The following GLIS3 variants were observed in gnomAD, a reference collection of about 807,000 sequenced individuals.
The protein encoded by GLIS3 is GLIS family zinc finger 3, also known as zinc finger protein GLIS3.
In GLIS3, 53 loss-of-function variants were observed where a neutral mutation model predicts 78.6. The observed-to-expected ratio is 0.67, with a 90% CI of 0.54 to 0.85. GLIS3 has a LOEUF of 0.85. Among genes scored for constraint, GLIS3 ranks in the 40% least tolerant of loss-of-function variants. GLIS3 has a pLI of 0.00. For synonymous variants in GLIS3, 684 were observed against 509.9 expected (o/e 1.34, Z -4.60); for missense variants, 1,703 against 1,231.1 (o/e 1.38, Z -5.74).
intron 4 of GLIS3, among the ~76,000 whole-genome samples, chr9:4,028,655 T>C (rs1823555239): frequency 1.3e-5 from 2 of 152,198 alleles, no homozygotes; most frequent in Admixed American, 1.3e-4. Flanking sequence ...TTTTCCCCAA[T>C]GCTAATTCCT....
intron 2 of GLIS3, among the ~76,000 whole-genome samples, chr9:4,253,388 C>T (rs567685624): frequency 6.6e-5 from 10 of 152,334 alleles, no homozygotes; most frequent in Admixed American, 1.3e-4. Context: ...TGAAATTCCC[C>T]GTGGCTTTGT....
Position 4,260,992 on chromosome 9 carries a change from G to A in GLIS3, c.388+25046C>T, listed in dbSNP as rs114767699. ...AAAATTACATCCATGGCTCACATTT[G>A]TGGCTGTAATTATATTTCTACAGGT... On this transcript the variant is annotated intron_variant, in intron 2 of 10. Transcript: ENST00000381971. Among the ~76,000 whole-genome samples, 989 of 152,274 alleles carry A rather than the reference G, an allele frequency of 6.5e-3. 10 individuals are homozygous for A. Among genetic ancestry groups the A allele is most frequent in the African/African-American group, 0.022 (895 of 41,546 alleles).
intron 9 of GLIS3, among the ~76,000 whole-genome samples, chr9:3,833,139 A>G (rs552375317): frequency 1.3e-5 from 2 of 152,312 alleles, no homozygotes; most frequent in East Asian, 3.9e-4. Context: ...AGTAGACTCT[A>G]ATTCCTGCCT....
the GLIS3 span, among the ~76,000 whole-genome samples, chr9:4,481,469 G>C: frequency 4.0e-5 from 6 of 151,726 alleles, no homozygotes; most frequent in East Asian, 9.7e-4. Context: ...AACAGAGCAA[G>C]ACCCCATCAA....
At chr9:4,049,258 G>A (rs1011444729) in intron 4 of GLIS3, among the ~76,000 whole-genome samples, 1 of 152,168 alleles carries the variant, frequency 6.6e-6, no homozygotes, top group Admixed American at 6.5e-5. Flanking sequence ...AACCATACTG[G>A]TTGGTAAATA....
rs148585720 is a variant in GLIS3 at position 4,216,748 on chromosome 9, T to C, written c.388+69290A>G. Among the ~76,000 whole-genome samples the C allele has an allele frequency of 2.8e-3, 431 of 152,268 alleles. 11 individuals are homozygous for C. Among genetic ancestry groups the C allele is most frequent in the Non-Finnish European group, 6.5e-4 (44 of 68,020 alleles). ...TCAGGTTTCGAAACTCCCAAGACTT[T>C]ACTAGTAAACTTATTCTTACCATAG... On this transcript the variant is annotated intron_variant, in intron 2 of 10. Transcript: ENST00000381971.
At position 3,848,401 on chromosome 9, in the gene GLIS3, C is replaced by A. The variant is rs538050414; in HGVS notation, c.2473+7608G>T. ...CCTGTAATCCCAGCTACTCTGGAGG[C>A]TGAGGCAGGAGAATCGCTTGAATCC... On this transcript the variant is annotated intron_variant, in intron 9 of 10. Coordinates refer to ENST00000381971, the MANE Select transcript of GLIS3 (RefSeq NM_001042413.2). Among the ~76,000 whole-genome samples, 15 of 152,338 alleles carry A rather than the reference C, an allele frequency of 9.8e-5. No individual in the cohort carries two copies. In the East Asian group the frequency reaches 2.9e-3, roughly 29 times the overall value.
intron 2 of GLIS3, among the ~76,000 whole-genome samples, chr9:4,151,846 AC>A (rs2131041788): frequency 6.6e-6 from 1 of 152,312 alleles, no homozygotes; most frequent in Non-Finnish European, 1.5e-5. Flanking sequence ...GCAGGAGAGA[AC>A]CTTTGGAAGG....
intron 2 of GLIS3, among the ~76,000 whole-genome samples, chr9:4,160,898 T>C (rs946828643): frequency 6.6e-6 from 1 of 152,016 alleles, no homozygotes; most frequent in South Asian, 2.1e-4. Context: ...CATATCCGTA[T>C]TGGTAATCAC....
the GLIS3 span, among the ~76,000 whole-genome samples, chr9:4,403,589 G>C: frequency 1.3e-5 from 2 of 152,054 alleles, no homozygotes; most frequent in East Asian, 3.9e-4. Flanking sequence ...AAAGTGTAGA[G>C]TTTTTATTAG....
At chr9:3,871,957 T>C (rs892186884) in intron 8 of GLIS3, among the ~76,000 whole-genome samples, 2 of 152,390 alleles carry the variant, frequency 1.3e-5, no homozygotes, top group African/African-American at 4.8e-5. Context: ...TTTTTAAAAC[T>C]GAATGCTTTT....
intron 4 of GLIS3, among the ~76,000 whole-genome samples, chr9:3,998,682 G>T (rs1176403246): frequency 1.3e-5 from 2 of 150,890 alleles, no homozygotes; most frequent in Non-Finnish European, 3.0e-5. Context: ...TATACAGTTA[G>T]AATTCTTTTC....
chr9:4,109,656 T>C (rs12345723), intron 4 of GLIS3, among the ~76,000 whole-genome samples: 34,300 of 152,120 alleles, frequency 0.23, 4,026 homozygotes, highest in Admixed American at 0.29. Context: ...ATATTTTTTA[T>C]TGACTAGATT....
intron 4 of GLIS3, among the ~76,000 whole-genome samples, chr9:3,990,933 G>A (rs1431112355): frequency 2.0e-5 from 3 of 152,128 alleles, no homozygotes; most frequent in Non-Finnish European, 4.4e-5. Context: ...CAACCAAGGG[G>A]TTCTTTGAAA....
At chr9:3,903,368 A>G (rs1287504546) in intron 6 of GLIS3, among the ~76,000 whole-genome samples, 1 of 152,252 alleles carries the variant, frequency 6.6e-6, no homozygotes, top group African/African-American at 2.4e-5. Context: ...TGCCCTTTAC[A>G]AAGCCTTGAC....
intron 4 of GLIS3, among the ~76,000 whole-genome samples, chr9:4,040,981 T>C (rs1824766297): frequency 6.6e-6 from 1 of 152,184 alleles, no homozygotes; most frequent in Non-Finnish European, 1.5e-5. Context: ...TTTCTCAACA[T>C]TCTAATCCTG....
intron 2 of GLIS3, among the ~76,000 whole-genome samples, chr9:4,246,862 G>A (rs1823852357): frequency 1.3e-5 from 2 of 152,148 alleles, no homozygotes; most frequent in African/African-American, 2.4e-5. Flanking sequence ...ATTATTTAAT[G>A]AATATTGTCC....
chr9:4,150,474 C>T (rs188175412), intron 2 of GLIS3, among the ~76,000 whole-genome samples: 1 of 152,322 alleles, frequency 6.6e-6, no homozygotes, highest in East Asian at 1.9e-4. Context: ...TCAGCCAAAT[C>T]ACCACATTCA....
intron 2 of GLIS3, among the ~76,000 whole-genome samples, chr9:4,131,830 A>C (rs183741943): frequency 1.5e-3 from 233 of 152,232 alleles, no homozygotes; most frequent in Non-Finnish European, 2.5e-3. Context: ...TCAGCACACT[A>C]TCAAGCACGC....
Sources: gnomAD v4.1 joint callset for allele counts (sites outside exome capture counted in the v4.1 genomes callset) on GRCh38, gnomAD v4.1.1 for gene constraint, MANE v1.5 for transcripts, NCBI Gene and HGNC (gene_info 2026-07-23, HGNC 2026-07-21) for gene names.